Variants in PIK3C2G observed in about 807,000 individuals in gnomAD.
PIK3C2G encodes the protein phosphatidylinositol 3-kinase C2 domain-containing subunit gamma.
Under a neutral mutation model 181.1 loss-of-function variants are expected in PIK3C2G, and 168 were observed. The ratio of observed to expected loss-of-function variants is 0.93; its 90% CI spans 0.82 to 1.05. PIK3C2G has a LOEUF of 1.05. PIK3C2G is among the 50% of genes least tolerant of loss of function. PIK3C2G has a pLI of 0.00. For missense variants in PIK3C2G, 1,869 were observed against 1,732.8 expected, an observed-to-expected ratio of 1.08 and a Z score of -1.40; for synonymous variants, 573 against 592.2, an observed-to-expected ratio of 0.97 and a Z score of 0.47.
At chr12:18,694,954 G>A in the PIK3C2G span, 1 of 1,603,718 alleles carries the variant, frequency 6.2e-7, no homozygotes, top group African/African-American at 1.3e-5. Context: ...ATGTTACTTG[G>A]GTTAAAGTAT....
chr12:18,258,513 C>T (rs1357923692), upstream of PIK3C2G, among the ~76,000 whole-genome samples: 3 of 152,060 alleles, frequency 2.0e-5, no homozygotes, highest in African/African-American at 7.2e-5. Flanking sequence ...AGATTTCACA[C>T]ATGAGTAAGA....
At chr12:18,673,702 A>G in the PIK3C2G span, among the ~76,000 whole-genome samples, 12 of 152,260 alleles carry the variant, frequency 7.9e-5, no homozygotes, top group Non-Finnish European at 1.5e-4. Context: ...TGTCTCTCAC[A>G]AGGCTACAAA....
At chr12:18,718,061 G>T in the PIK3C2G span, among the ~76,000 whole-genome samples, 1 of 152,038 alleles carries the variant, frequency 6.6e-6, no homozygotes, top group Non-Finnish European at 1.5e-5. Context: ...GGGTGCTTTG[G>T]GAGTGAGGAT....
At chr12:18,261,322 T>C (rs965211878), upstream of PIK3C2G, among the ~76,000 whole-genome samples, 2 of 152,180 alleles carry the variant, frequency 1.3e-5, no homozygotes, top group Non-Finnish European at 2.9e-5. Flanking sequence ...AGAAGCTCAT[T>C]TATGGTTGGG....
intron 18 of PIK3C2G, among the ~76,000 whole-genome samples, chr12:18,450,219 T>C (rs1425913874): frequency 1.3e-5 from 2 of 152,092 alleles, no homozygotes; most frequent in African/African-American, 4.8e-5. Flanking sequence ...CTCCACCTCC[T>C]GGGTTCAGGT....
At chr12:18,642,184 T>C (rs1949877558) in intron 32 of PIK3C2G, among the ~76,000 whole-genome samples, 1 of 152,202 alleles carries the variant, frequency 6.6e-6, no homozygotes, top group Admixed American at 6.5e-5. Context: ...ACTCTTTGTC[T>C]AGCACTGAGT....
At chr12:18,326,855 C>T (rs1300315669) in intron 8 of PIK3C2G, among the ~76,000 whole-genome samples, 1 of 151,946 alleles carries the variant, frequency 6.6e-6, no homozygotes, top group African/African-American at 2.4e-5. Flanking sequence ...TTATGGTAAC[C>T]TACTTATGAA....
At chr12:18,368,395 G>C (rs894555475) in intron 12 of PIK3C2G, among the ~76,000 whole-genome samples, 2 of 152,154 alleles carry the variant, frequency 1.3e-5, no homozygotes, top group Non-Finnish European at 2.9e-5. Context: ...TACTTAGAAA[G>C]GTTAAATGCA....
intron 30 of PIK3C2G, among the ~76,000 whole-genome samples, chr12:18,598,300 G>C (rs1055416868): frequency 1.5e-4 from 22 of 151,670 alleles, no homozygotes; most frequent in Non-Finnish European, 2.5e-4. Flanking sequence ...CCAAAACAGA[G>C]ATATAGATCA....
intron 29 of PIK3C2G, among the ~76,000 whole-genome samples, chr12:18,579,988 C>G (rs1363523723): frequency 6.6e-6 from 1 of 152,014 alleles, no homozygotes; most frequent in Non-Finnish European, 1.5e-5. Context: ...CAAAAATTAG[C>G]CAGGCGTGGT....
chr12:18,673,844 C>T, the PIK3C2G span, among the ~76,000 whole-genome samples: 1 of 152,190 alleles, frequency 6.6e-6, no homozygotes, highest in Non-Finnish European at 1.5e-5. Flanking sequence ...GGCTGTTCCA[C>T]AGAAGCTGCC....
At position 18,261,568 on chromosome 12, in the gene PIK3C2G, T is replaced by C. The variant is rs1019292986; in HGVS notation, c.-88T>C. 2 of 152,132 alleles carry C rather than the reference T, an allele frequency of 1.3e-5. No homozygotes were observed. Among genetic ancestry groups the C allele is most frequent in the Admixed American group, 6.6e-5 (1 of 15,248 alleles). 9.4% of individuals were successfully genotyped at this position (152,132 alleles called of 1,614,324 possible). A position where few individuals can be genotyped will look rare whatever the true frequency, so the allele number is the denominator to read the frequency against. Reference sequence around the variant, plus strand: ...GATCGTGTTTCATTTCAGGAAGATATATGCGTCAGGTAAGAAACTAAAACA... The same window carrying C: ...GATCGTGTTTCATTTCAGGAAGATACATGCGTCAGGTAAGAAACTAAAACA... On this transcript the variant is annotated 5_prime_UTR_variant, in exon 1 of 33. Transcript: ENST00000538779.
At chr12:18,588,068 G>T (rs1370440403) in intron 29 of PIK3C2G, among the ~76,000 whole-genome samples, 33 of 151,904 alleles carry the variant, frequency 2.2e-4, no homozygotes, top group Admixed American at 2.2e-3. Flanking sequence ...ACTGAAACTG[G>T]ACCCCTTCTT....
the PIK3C2G span, among the ~76,000 whole-genome samples, chr12:18,707,004 G>A: frequency 4.6e-5 from 7 of 152,156 alleles, no homozygotes; most frequent in East Asian, 9.7e-4. Flanking sequence ...TCCTTGGCTT[G>A]TGGCCACATC....
rs1352680130 is a variant in PIK3C2G at position 18,251,364 on chromosome 12, C to CT, written c.-79+3290dup. 5.3e-5 allele frequency among the ~76,000 whole-genome samples: 8 copies of CT among 151,706 alleles called. No homozygotes were observed. In the South Asian group the frequency reaches 8.3e-4, roughly 16 times the overall value. On this transcript the variant is annotated intron_variant, in intron 1 of 11. Coordinates refer to the PIK3C2G transcript ENST00000535651. ...GTCATAGTCATTTATATACTGGGAG[C>CT]TTTTTTTTGTCTATTTGAGCCTTGT...
rs1372133740 is a variant in PIK3C2G, at chr12:18,290,933, T to G, written c.840T>G (p.Tyr280Ter). The change falls in exon 4 of 33, where the codon TAT becomes TAG. Residue 280 changes from tyrosine (Y) to a stop codon, truncating the protein, a stop_gained. Transcript: ENST00000538779. LOFTEE classifies it high-confidence loss of function. ...KIWSTTTAFP[Y>*]QLFSKTKFNI... ...GGAGCACTACTACAGCATTTCCGTA[T>G]CAGCTCTTTTCTAAGACCAAGTTTA... is the stretch of plus-strand genomic sequence containing the variant. The G allele has an allele frequency of 6.3e-7, 1 of 1,581,178 alleles. No homozygotes were observed. Among genetic ancestry groups the G allele is most frequent in the Middle Eastern group, 1.7e-4 (1 of 6,002 alleles).
At chr12:18,633,964 C>T (rs866464579) in intron 31 of PIK3C2G, among the ~76,000 whole-genome samples, 66 of 152,158 alleles carry the variant, frequency 4.3e-4, no homozygotes, top group African/African-American at 1.5e-3. Context: ...CCCATTTCCA[C>T]CCCTTTATTC....
chr12:18,482,231 T>C (rs1168253741), intron 18 of PIK3C2G, among the ~76,000 whole-genome samples: 1 of 146,620 alleles, frequency 6.8e-6, no homozygotes, highest in Non-Finnish European at 1.5e-5. Flanking sequence ...AGATATGATC[T>C]GTTATTTCAC....
chr12:18,583,052 C>A (rs192333451), intron 29 of PIK3C2G, among the ~76,000 whole-genome samples: 1 of 152,232 alleles, frequency 6.6e-6, no homozygotes, highest in East Asian at 1.9e-4. Flanking sequence ...CGTGGCACAG[C>A]ACAGCAGCTC....
Sources: allele counts gnomAD v4.1 joint callset (sites outside exome capture counted in the v4.1 genomes callset), GRCh38; gene constraint gnomAD v4.1.1; transcripts MANE v1.5; gene names NCBI Gene and HGNC (gene_info 2026-07-23, HGNC 2026-07-21).